Variants in CAMK4 observed in about 807,000 individuals in gnomAD.
CAMK4 encodes the protein calcium/calmodulin dependent protein kinase IV.
In CAMK4, 22 loss-of-function variants were observed where a neutral mutation model predicts 44.9. That is an observed-to-expected ratio of 0.49 (90% confidence interval 0.35 to 0.70). The LOEUF (loss-of-function observed/expected upper bound fraction) is 0.70. Ranked by LOEUF, CAMK4 falls within the 30% of genes least tolerant of loss-of-function variation. The pLI, the probability that CAMK4 is intolerant of heterozygous loss-of-function variation, is 0.01. For missense variants in CAMK4, 498 were observed against 586.8 expected, an observed-to-expected ratio of 0.85 and a Z score of 1.56; for synonymous variants, 218 against 215.4, an observed-to-expected ratio of 1.01 and a Z score of -0.11.
In CAMK4 at chr5:111,317,898, TAAAAAAAAAAAAAAAAAA is replaced by T. The variant is rs3066636; in HGVS notation, c.162-26113_162-26096del. 8.3e-4 allele frequency among the ~76,000 whole-genome samples: 58 copies of T among 69,832 alleles called. 1 individual carries two copies. Among genetic ancestry groups the T allele is most frequent in the African/African-American group, 2.9e-3 (56 of 19,436 alleles). The allele number at this position is 69,832 out of a possible 152,430, so 45.8% of individuals were successfully genotyped here. ...ATCCTAAAGCCGGTGGAGTAATATG[TAAAAAAAAAAAAAAAAAA>T]AAAAAAAAAAAAGGAAAACAGGATT... On this transcript the variant is annotated intron_variant, in intron 1 of 10. Transcript: ENST00000282356.
chr5:111,446,241 C>A (rs1754023081), intron 5 of CAMK4, among the ~76,000 whole-genome samples: 1 of 152,200 alleles, frequency 6.6e-6, no homozygotes, highest in African/African-American at 2.4e-5. Flanking sequence ...CTAAAATACT[C>A]ACATCTATAT....
chr5:111,471,888 C>CTTGT (rs1554074690), intron 7 of CAMK4, among the ~76,000 whole-genome samples: 1 of 150,188 alleles, frequency 6.7e-6, no homozygotes, highest in Non-Finnish European at 1.5e-5. Context: ...CCAGAGCTCA[C>CTTGT]TTATTTATTT....
chr5:111,382,358 T>C (rs1418160922), intron 4 of CAMK4, among the ~76,000 whole-genome samples: 4 of 152,214 alleles, frequency 2.6e-5, no homozygotes, highest in Admixed American at 2.6e-4. Context: ...GAAATGGAAC[T>C]GAGGCTGTTT....
At chr5:111,270,135 G>C (rs1750443597) in intron 1 of CAMK4, 1 of 152,178 alleles carries the variant, frequency 6.6e-6, no homozygotes, top group South Asian at 2.1e-4. Flanking sequence ...TATACTGTCA[G>C]AATATCTGCT....
At chr5:111,225,035 C>G (rs542144915) in intron 1 of CAMK4, among the ~76,000 whole-genome samples, 16 of 152,194 alleles carry the variant, frequency 1.1e-4, no homozygotes, top group Admixed American at 9.8e-4. Context: ...GGTGCCCCTC[C>G]AAATCAAGAC....
intron 4 of CAMK4, among the ~76,000 whole-genome samples, chr5:111,378,837 T>C (rs1751309714): frequency 6.6e-6 from 1 of 152,182 alleles, no homozygotes; most frequent in Non-Finnish European, 1.5e-5. Flanking sequence ...AAATTTGAAG[T>C]GGCTTTATGT....
chr5:111,484,232 G>C lies in CAMK4; in HGVS notation c.1188G>C (p.Lys396Asn), dbSNP rs1436374140. The stretch of plus-strand genomic sequence containing the variant: ...AGGGGGCACAGGCTGAGCTGATGAA[G>C]GTGCAAGCCTTAGAGAAAGTTAAAG... Reference protein sequence around the residue: ...AVKGAQAELMKVQALEKVKGA... With the variant: ...AVKGAQAELMNVQALEKVKGA... Residue 396 changes from lysine to asparagine, a missense_variant, in exon 11 of 11, where the codon AAG (lysine) becomes AAC (asparagine). Physicochemically the swap from Lys to Asn is moderately conservative, Grantham distance 94. Around this residue, in one of 3 missense-constraint regions of CAMK4, gnomAD observed 143 missense variants for 144.9 expected, o/e 0.99. Coordinates refer to ENST00000282356, the MANE Select transcript of CAMK4 (RefSeq NM_001744.6). This position sits in a 1 kb window ranked among gnomAD's most constrained non-coding sequence, Gnocchi z 5.3. The C allele has an allele frequency of 4.3e-6, 7 of 1,614,106 alleles. No homozygotes were observed. Among genetic ancestry groups the C allele is most frequent in the Non-Finnish European group, 5.9e-6 (7 of 1,179,990 alleles).
rs190803172 is a variant in CAMK4 at position 111,460,502 on chromosome 5, G to T, written c.625+11299G>T. Reference sequence around the variant, plus strand: ...GCCCAGGCTGGTCTTGAACTCCTGAGCTCAGACAATCCACCCACCTTGTAA... The same window carrying T: ...GCCCAGGCTGGTCTTGAACTCCTGATCTCAGACAATCCACCCACCTTGTAA... On this transcript the variant is annotated intron_variant, in intron 7 of 10. Coordinates refer to ENST00000282356, the MANE Select transcript of CAMK4 (RefSeq NM_001744.6). Among the ~76,000 whole-genome samples the T allele has an allele frequency of 2.2e-3, 342 of 152,042 alleles. 2 individuals carry two copies. The highest frequency in any genetic ancestry group is 3.3e-3 in the Non-Finnish European group (227 of 67,934).
At chr5:111,481,296 C>T (rs1400573422) in intron 9 of CAMK4, among the ~76,000 whole-genome samples, 1 of 152,180 alleles carries the variant, frequency 6.6e-6, no homozygotes, top group Non-Finnish European at 1.5e-5. Flanking sequence ...GGCTCATTTA[C>T]ATAAAATTAT....
At chr5:111,360,227 T>G (rs1248251735) in intron 2 of CAMK4, among the ~76,000 whole-genome samples, 1 of 152,046 alleles carries the variant, frequency 6.6e-6, no homozygotes, top group Non-Finnish European at 1.5e-5. Context: ...TTCTTTAGGG[T>G]GAAGATTGAG....
intron 4 of CAMK4, among the ~76,000 whole-genome samples, chr5:111,394,417 T>C (rs546606469): frequency 6.6e-6 from 1 of 152,332 alleles, no homozygotes; most frequent in Non-Finnish European, 1.5e-5. Flanking sequence ...GTATAATATC[T>C]ACTGGCATAT....
At chr5:111,308,067 AG>A (rs1427659675) in intron 1 of CAMK4, among the ~76,000 whole-genome samples, 2 of 110,864 alleles carry the variant, frequency 1.8e-5, no homozygotes, top group African/African-American at 7.6e-5. Flanking sequence ...ACATGGACAC[AG>A]GAAGGGGAAT....
chr5:111,316,173 T>A (rs1220383684), intron 1 of CAMK4, among the ~76,000 whole-genome samples: 3 of 152,154 alleles, frequency 2.0e-5, no homozygotes, highest in African/African-American at 7.2e-5. Flanking sequence ...GGCCTAATAC[T>A]CTAATCCTTT....
At chr5:111,320,309 A>G (rs1334350345) in intron 1 of CAMK4, among the ~76,000 whole-genome samples, 1 of 152,142 alleles carries the variant, frequency 6.6e-6, no homozygotes, top group Non-Finnish European at 1.5e-5. Context: ...TCAGATTTCC[A>G]TTCTAGAAAG....
At chr5:111,372,487 CCAT>C (rs1340871292) in intron 2 of CAMK4, among the ~76,000 whole-genome samples, 1 of 152,076 alleles carries the variant, frequency 6.6e-6, no homozygotes, top group African/African-American at 2.4e-5. Flanking sequence ...GCTTCTGTGG[CCAT>C]GTTTCATGCC....
chr5:111,461,850 C>A (rs897863236), intron 7 of CAMK4, among the ~76,000 whole-genome samples: 1 of 144,410 alleles, frequency 6.9e-6, no homozygotes, highest in Admixed American at 7.0e-5. Flanking sequence ...CAGCATTTGC[C>A]CCTAGCTCTA....
intron 1 of CAMK4, among the ~76,000 whole-genome samples, chr5:111,274,270 C>T (rs1216697845): frequency 6.6e-6 from 1 of 152,112 alleles, no homozygotes; most frequent in East Asian, 1.9e-4. Flanking sequence ...CTCTCTGTTT[C>T]CCCTTAACTT....
intron 7 of CAMK4, among the ~76,000 whole-genome samples, chr5:111,465,100 C>A (rs894347882): frequency 1.3e-5 from 2 of 152,120 alleles, no homozygotes; most frequent in African/African-American, 4.8e-5. Flanking sequence ...TGTGGAGTTT[C>A]CTCTACTGTT....
chr5:111,339,241 C>T (rs1749539036), intron 1 of CAMK4, among the ~76,000 whole-genome samples: 1 of 151,164 alleles, frequency 6.6e-6, no homozygotes, highest in Non-Finnish European at 1.5e-5. Context: ...GATATAATTT[C>T]AGTTATCTAT....
Sources: allele counts gnomAD v4.1 joint callset (sites outside exome capture counted in the v4.1 genomes callset), GRCh38; gene constraint gnomAD v4.1.1; regional missense constraint gnomAD v4.1.1; non-coding constraint Gnocchi (gnomAD v3.1); transcripts MANE v1.5; gene names NCBI Gene and HGNC (gene_info 2026-07-23, HGNC 2026-07-21).